The following RASA1 variants were observed in gnomAD, a reference collection of about 807,000 sequenced individuals.
RASA1 encodes ras GTPase-activating protein 1.
Under a neutral mutation model 132.2 loss-of-function variants are expected in RASA1, and 25 were observed. The observed-to-expected ratio is 0.19, with a 90% CI of 0.14 to 0.26. The LOEUF (loss-of-function observed/expected upper bound fraction) is 0.26. Among genes scored for constraint, RASA1 ranks in the 10% least tolerant of loss-of-function variants. RASA1 has a pLI of 1.00. For synonymous variants in RASA1, 477 were observed against 449.9 expected (o/e 1.06, Z -0.76); for missense variants, 964 against 1,299.2 (o/e 0.74, Z 3.97).
At chr5:87,356,304 A>G (rs1370180638) in intron 9 of RASA1, among the ~76,000 whole-genome samples, 1 of 152,026 alleles carries the variant, frequency 6.6e-6, no homozygotes, top group Non-Finnish European at 1.5e-5. Flanking sequence ...TGCCCTAATC[A>G]CTTAGCAGAC....
chr5:87,370,164 A>T (rs985588947), intron 12 of RASA1, among the ~76,000 whole-genome samples: 11 of 152,168 alleles, frequency 7.2e-5, no homozygotes, highest in African/African-American at 2.7e-4. Flanking sequence ...CCAACTGAGA[A>T]TGCTCATTTA....
intron 9 of RASA1, among the ~76,000 whole-genome samples, chr5:87,359,351 C>G (rs1759898394): frequency 6.6e-6 from 1 of 152,144 alleles, no homozygotes; most frequent in Admixed American, 6.6e-5. Flanking sequence ...ATCTCTCAGG[C>G]TGAGAAAAGG....
chr5:87,293,635 A>G (rs542758629), intron 1 of RASA1, among the ~76,000 whole-genome samples: 1 of 152,270 alleles, frequency 6.6e-6, no homozygotes, highest in African/African-American at 2.4e-5. Flanking sequence ...TCTGAAAGAG[A>G]CTGTAGAGAA....
intron 7 of RASA1, among the ~76,000 whole-genome samples, chr5:87,346,983 T>C (rs190551490): frequency 1.9e-3 from 291 of 152,132 alleles, no homozygotes; most frequent in African/African-American, 6.5e-3. Flanking sequence ...CAGTTTTTTT[T>C]CCCATATGTT....
At chr5:87,292,611 T>C (rs1754957184) in intron 1 of RASA1, among the ~76,000 whole-genome samples, 2 of 152,160 alleles carry the variant, frequency 1.3e-5, no homozygotes, top group Admixed American at 1.3e-4. Context: ...GACTTTTTCT[T>C]TCAATGTTAT....
chr5:87,343,351 C>T (rs978730839), intron 6 of RASA1, among the ~76,000 whole-genome samples: 8 of 152,136 alleles, frequency 5.3e-5, no homozygotes, highest in Admixed American at 2.0e-4. Flanking sequence ...CAGTAACCTC[C>T]AAGTTGATCT....
At position 87,391,612 on chromosome 5, in the gene RASA1, AAAT is replaced by A. The variant is rs1248630885; in HGVS notation, c.*731_*733del. 4.3e-6 allele frequency: 1 copy of A among 234,536 alleles called. No homozygotes were observed. Among genetic ancestry groups the A allele is most frequent in the African/African-American group, 2.2e-5 (1 of 45,192 alleles). 14.5% of individuals were successfully genotyped at this position (234,536 alleles called of 1,614,324 possible). A position where few individuals can be genotyped will look rare whatever the true frequency, so the allele number is the denominator to read the frequency against. Reference sequence around the variant, plus strand: ...TACAAGTAAATAGTTTGAATTCAGTAAATATTATTGGTTGTTGTATTGATCAAT... The same window carrying A: ...TACAAGTAAATAGTTTGAATTCAGTAATTATTGGTTGTTGTATTGATCAAT... On this transcript the variant is annotated 3_prime_UTR_variant, in exon 25 of 25. Transcript: ENST00000274376.
chr5:87,362,491 A>AT (rs2112455983), intron 9 of RASA1, 60 bp from the exon 10 acceptor site: 1 of 1,519,868 alleles, frequency 6.6e-7, no homozygotes, highest in Non-Finnish European at 9.1e-7. Flanking sequence ...ACTTTTATAG[A>AT]TTTTTACTTC....
chr5:87,379,162 C>A (rs1220302696), intron 18 of RASA1, among the ~76,000 whole-genome samples: 2 of 152,128 alleles, frequency 1.3e-5, no homozygotes, highest in East Asian at 3.8e-4. Flanking sequence ...GTTAATCCTG[C>A]ACGAAGGTGT....
intron 8 of RASA1, among the ~76,000 whole-genome samples, chr5:87,351,477 C>G (rs1294805954): frequency 1.3e-5 from 2 of 151,574 alleles, no homozygotes; most frequent in African/African-American, 4.8e-5. Context: ...TAACATTTAT[C>G]TAGACTTGAA....
intron 1 of RASA1, among the ~76,000 whole-genome samples, chr5:87,278,284 C>T (rs987806112): frequency 8.5e-5 from 13 of 152,064 alleles, no homozygotes; most frequent in African/African-American, 2.9e-4. Flanking sequence ...CAGTGGCTCA[C>T]TCCTGTAATC....
intron 1 of RASA1, among the ~76,000 whole-genome samples, chr5:87,307,630 A>G (rs867424406): frequency 2.0e-5 from 3 of 152,222 alleles, no homozygotes; most frequent in South Asian, 2.1e-4. Flanking sequence ...AATAACTGTT[A>G]TAGCCTTCTG....
At chr5:87,320,209 C>G (rs1580252445) in intron 1 of RASA1, among the ~76,000 whole-genome samples, 3 of 152,310 alleles carry the variant, frequency 2.0e-5, no homozygotes, top group South Asian at 4.1e-4. Flanking sequence ...TTGAGCAAGT[C>G]TCTAGGAAGT....
intron 1 of RASA1, chr5:87,269,310 A>T: frequency 1.3e-6 from 2 of 1,535,812 alleles, no homozygotes; most frequent in Non-Finnish European, 1.7e-6. Flanking sequence ...AATTTAGTCA[A>T]ACTGCGGCTA....
At chr5:87,297,141 T>G (rs956200482) in intron 1 of RASA1, among the ~76,000 whole-genome samples, 17 of 152,220 alleles carry the variant, frequency 1.1e-4, no homozygotes, top group African/African-American at 4.1e-4. Context: ...AATTTCCGTT[T>G]CTCTGCTTAC....
rs117203946 is a variant in RASA1, at chr5:87,283,738, C to A, written c.539+14748C>A. 9.6e-4 allele frequency among the ~76,000 whole-genome samples: 146 copies of A among 152,192 alleles called. 1 individual carries two copies. The East Asian group carries it at 0.023, about 24-fold the overall frequency. ...AAGTGATACAAACCCAAGCTTTTGA[C>A]CCCTAAGTCTATTTAACTACTATGC... On this transcript the variant is annotated intron_variant, in intron 1 of 24. Transcript: ENST00000274376.
intron 1 of RASA1, among the ~76,000 whole-genome samples, chr5:87,315,920 T>G (rs141263268): frequency 6.6e-6 from 1 of 152,332 alleles, no homozygotes; most frequent in African/African-American, 2.4e-5. Context: ...TTATTGAAAG[T>G]CATTTGGAAT....
chr5:87,283,148 G>GTTTTTTTTTTTTTTT (rs200461511), intron 1 of RASA1, among the ~76,000 whole-genome samples: 6 of 103,252 alleles, frequency 5.8e-5, no homozygotes, highest in Non-Finnish European at 1.2e-4. Context: ...TTTTTTTTGT[G>GTTTTTTTTTTTTTTT]TTTTTTTTTT....
intron 1 of RASA1, among the ~76,000 whole-genome samples, chr5:87,310,652 A>G (rs1315095639): frequency 6.6e-6 from 1 of 152,116 alleles, no homozygotes; most frequent in Non-Finnish European, 1.5e-5. Flanking sequence ...CCTGGTATTG[A>G]TAGTCTCTTC....
Sources: allele counts gnomAD v4.1 joint callset (sites outside exome capture counted in the v4.1 genomes callset), GRCh38; gene constraint gnomAD v4.1.1; transcripts MANE v1.5; gene names NCBI Gene and HGNC (gene_info 2026-07-23, HGNC 2026-07-21).